The following ATRX variants were observed in gnomAD, a reference collection of about 807,000 sequenced individuals.
ATRX encodes chromatin remodeler ATRX.
A neutral mutation model predicts 172.6 loss-of-function variants in ATRX; 12 were observed. The observed-to-expected ratio is 0.07, with a 90% CI of 0.04 to 0.11. ATRX has a LOEUF of 0.11. ATRX is among the 10% of genes least tolerant of loss of function. The pLI is 1.00. For missense variants in ATRX, 1,368 were observed against 1,767.4 expected (o/e 0.77, Z 4.05); for synonymous variants, 674 against 594.7 (o/e 1.13, Z -1.94).
At chrX:77,766,136 A>G (rs1241366604) in intron 1 of ATRX, among the ~76,000 whole-genome samples, 3 of 111,441 alleles carry the variant, frequency 2.7e-5, no homozygotes, top group Non-Finnish European at 5.7e-5. Flanking sequence ...TCTTTTCCCC[A>G]CCTTTCCCCC....
At chrX:77,634,362 C>A (rs2068250899) in intron 17 of ATRX, 3 of 322,792 alleles carry the variant, frequency 9.3e-6, no homozygotes, top group Non-Finnish European at 1.6e-5. Flanking sequence ...CTAAAAGATG[C>A]CTTTCCTAAC....
chrX:77,610,208 C>T (rs977908635), intron 22 of ATRX, among the ~76,000 whole-genome samples: 6 of 111,951 alleles, frequency 5.4e-5, no homozygotes, highest in Admixed American at 4.8e-4. Context: ...TTCCATGACA[C>T]TGTGGCATAC....
chrX:77,775,934 G>T (rs2076337418), intron 1 of ATRX, among the ~76,000 whole-genome samples: 1 of 110,495 alleles, frequency 9.1e-6, no homozygotes. Flanking sequence ...GTTTCACCAT[G>T]TTGGCCAGGC....
intron 4 of ATRX, among the ~76,000 whole-genome samples, chrX:77,697,168 C>T (rs1453682876): frequency 9.0e-6 from 1 of 111,333 alleles, no homozygotes; most frequent in Non-Finnish European, 1.9e-5. Context: ...GTGTTTTTTA[C>T]CACTCTTTTT....
chrX:77,759,875 T>G (rs2075652717), intron 1 of ATRX, among the ~76,000 whole-genome samples: 1 of 111,508 alleles, frequency 9.0e-6, no homozygotes, highest in African/African-American at 3.3e-5. Flanking sequence ...TGGTAAAATT[T>G]TTACATTTTA....
At chrX:77,611,761 G>A (rs1557094134) in intron 22 of ATRX, among the ~76,000 whole-genome samples, 1 of 110,958 alleles carries the variant, frequency 9.0e-6, no homozygotes, top group African/African-American at 3.3e-5. Flanking sequence ...AGCTAGAAGA[G>A]AATTTTGAAT....
chrX:77,528,109 T>C (rs1234182533), intron 30 of ATRX, among the ~76,000 whole-genome samples: 3 of 109,937 alleles, frequency 2.7e-5, no homozygotes, highest in Non-Finnish European at 5.7e-5. Context: ...CTCCCCGTTG[T>C]GGAGAGTGCA....
intron 2 of ATRX, among the ~76,000 whole-genome samples, chrX:77,709,479 C>T (rs2073002000): frequency 9.0e-6 from 1 of 110,807 alleles, no homozygotes; most frequent in Non-Finnish European, 1.9e-5. Context: ...CTATTAGGTA[C>T]TGGGCTTAAT....
chrX:77,691,628 C>T (rs1365171107), intron 6 of ATRX, among the ~76,000 whole-genome samples: 1 of 111,024 alleles, frequency 9.0e-6, no homozygotes, highest in Non-Finnish European at 1.9e-5. Context: ...AATATTATTC[C>T]AAATCAATAT....
Position 77,682,170 on chromosome X carries a change from G to C in ATRX, c.3086C>G (p.Pro1029Arg). The C allele has an allele frequency of 8.3e-7, 1 of 1,210,352 alleles. No individual in the cohort carries two copies. The change falls in exon 9 of 35, where the codon CCT becomes CGT. Residue 1029 changes from proline (P) to arginine (R), a missense_variant. Around this residue, in one of 17 missense-constraint regions of ATRX, gnomAD observed 843 missense variants for 643.1 expected, o/e 1.31. Coordinates refer to ENST00000373344, the MANE Select transcript of ATRX (RefSeq NM_000489.6). ...LPEREEICHF[P>R]KGIKQIKNGT... ...ATTCTTAATTTGTTTTATGCCCTTA[G>C]GAAAATGACAAATTTCTTCTCGCTC...
chrX:77,748,138 T>C (rs2075157220), intron 1 of ATRX, among the ~76,000 whole-genome samples: 1 of 111,809 alleles, frequency 8.9e-6, no homozygotes, highest in Non-Finnish European at 1.9e-5. Flanking sequence ...TTCAATTATT[T>C]TTCTGATCCA....
chrX:77,539,460 G>T (rs1466781922), intron 30 of ATRX, among the ~76,000 whole-genome samples: 1 of 109,911 alleles, frequency 9.1e-6, no homozygotes, highest in African/African-American at 3.3e-5. Flanking sequence ...TAGTGTACAG[G>T]ATATATAAGA....
At chrX:77,633,475 AAAC>A in intron 18 of ATRX, 88 bp downstream of exon 18, 3 of 1,118,483 alleles carry the variant, frequency 2.7e-6, no homozygotes, top group Non-Finnish European at 3.6e-6. Flanking sequence ...ACTGGTTAAA[AAAC>A]ATTAAAAATT....
intron 19 of ATRX, among the ~76,000 whole-genome samples, chrX:77,629,571 C>T (rs2068019170): frequency 8.9e-6 from 1 of 112,208 alleles, no homozygotes; most frequent in South Asian, 3.7e-4. Flanking sequence ...AAAAGTAGAG[C>T]TTCAGTTTCC....
intron 16 of ATRX, among the ~76,000 whole-genome samples, chrX:77,635,565 A>T (rs2068309998): frequency 8.9e-6 from 1 of 112,132 alleles, no homozygotes; most frequent in South Asian, 3.7e-4. Flanking sequence ...CATACCTAAA[A>T]ATGCTGAAAT....
intron 25 of ATRX, among the ~76,000 whole-genome samples, chrX:77,598,291 G>A (rs2066540668): frequency 9.0e-6 from 1 of 110,623 alleles, no homozygotes; most frequent in African/African-American, 3.3e-5. Flanking sequence ...CTAGAGTGGG[G>A]AGAGAGAAAG....
chrX:77,685,057 C>T (rs2071476507), intron 7 of ATRX, 51 bp from the exon 8 acceptor site: 1 of 972,982 alleles, frequency 1.0e-6, no homozygotes. Context: ...TGATAACATT[C>T]ATAAAGGACA....
rs781951916 is a variant in ATRX, at chrX:77,759,476, G to A, written c.20+26506C>T. On this transcript the variant is annotated intron_variant, in intron 1 of 34. Coordinates refer to ENST00000373344, the MANE Select transcript of ATRX (RefSeq NM_000489.6). ...CACCTGTAATCCCAGCACTTTGGGA[G>A]GCCAAGGCAGGTGGATCACTTGAGG... Among the ~76,000 whole-genome samples the A allele has an allele frequency of 9.0e-5, 10 of 111,530 alleles. 1 individual carries two copies. The South Asian group carries it at 3.8e-3, about 42-fold the overall frequency.
chrX:77,660,202 T>C (rs1241985144), intron 12 of ATRX, among the ~76,000 whole-genome samples: 2 of 112,144 alleles, frequency 1.8e-5, no homozygotes, highest in African/African-American at 6.5e-5. Flanking sequence ...CATGTTGTGA[T>C]ATATAACATG....
Sources: gnomAD v4.1 joint callset for allele counts (sites outside exome capture counted in the v4.1 genomes callset) on GRCh38, gnomAD v4.1.1 for gene constraint, gnomAD v4.1.1 regional missense constraint, MANE v1.5 for transcripts, NCBI Gene and HGNC (gene_info 2026-07-23, HGNC 2026-07-21) for gene names.